GPC5: variants seen among roughly 807,000 people sequenced by gnomAD.
GPC5 encodes glypican 5, also known as glypican-5.
Under a neutral mutation model 53.9 loss-of-function variants are expected in GPC5, and 47 were observed. That is an observed-to-expected ratio of 0.87 (90% CI 0.69 to 1.11). The LOEUF (loss-of-function observed/expected upper bound fraction) is 1.11. Ranked by LOEUF, GPC5 falls within the 50% of genes most tolerant of loss-of-function variation. The pLI is 0.00. For missense variants in GPC5, 748 were observed against 713.1 expected (o/e 1.05, Z -0.56); for synonymous variants, 286 against 263.3 (o/e 1.09, Z -0.84).
intron 7 of GPC5, among the ~76,000 whole-genome samples, chr13:92,257,762 G>A (rs1438123618): frequency 6.6e-6 from 1 of 151,650 alleles, no homozygotes; most frequent in Non-Finnish European, 1.5e-5. Context: ...ATGTTCACCA[G>A]GATGGTCTGG....
At chr13:92,643,981 A>G (rs914597173) in intron 7 of GPC5, among the ~76,000 whole-genome samples, 1 of 152,222 alleles carries the variant, frequency 6.6e-6, no homozygotes, top group Admixed American at 6.5e-5. Context: ...TAATTAGCAA[A>G]AGAAACCTAC....
At chr13:91,505,030 C>A (rs2139310384) in intron 2 of GPC5, among the ~76,000 whole-genome samples, 1 of 152,262 alleles carries the variant, frequency 6.6e-6, no homozygotes, top group South Asian at 2.1e-4. Flanking sequence ...CACATGGTTT[C>A]ATAGGAATAA....
At chr13:91,971,102 T>G (rs1476064204) in intron 6 of GPC5, among the ~76,000 whole-genome samples, 1 of 152,154 alleles carries the variant, frequency 6.6e-6, no homozygotes, top group Non-Finnish European at 1.5e-5. Flanking sequence ...GTCCTGGACT[T>G]TTTTTGGTTG....
chr13:91,676,195 C>G (rs1594415371), intron 2 of GPC5, among the ~76,000 whole-genome samples: 1 of 152,230 alleles, frequency 6.6e-6, no homozygotes, highest in East Asian at 1.9e-4. Flanking sequence ...CTCAGCCTCC[C>G]AAGTAGCTGG....
chr13:91,908,395 T>C (rs1212986057), intron 6 of GPC5, among the ~76,000 whole-genome samples: 2 of 152,216 alleles, frequency 1.3e-5, no homozygotes, highest in African/African-American at 2.4e-5. Flanking sequence ...TATAAGACCA[T>C]AGAAGTTGCC....
At chr13:92,299,816 T>A (rs922428023) in intron 7 of GPC5, among the ~76,000 whole-genome samples, 1 of 152,206 alleles carries the variant, frequency 6.6e-6, no homozygotes, top group Admixed American at 6.5e-5. Flanking sequence ...AGTGGTTTTT[T>A]AAATCTAAAT....
intron 7 of GPC5, among the ~76,000 whole-genome samples, chr13:92,628,388 G>T (rs1430882082): frequency 7.0e-6 from 1 of 143,728 alleles, no homozygotes; most frequent in Non-Finnish European, 1.5e-5. Context: ...CCACTCTCCT[G>T]CCTCAGCCTG....
intron 2 of GPC5, among the ~76,000 whole-genome samples, chr13:91,544,853 G>C (rs1189616635): frequency 6.6e-6 from 1 of 152,176 alleles, no homozygotes; most frequent in East Asian, 1.9e-4. Flanking sequence ...TCACAAGCTT[G>C]AGTCAAGACG....
At chr13:91,813,023 G>A (rs2038337790) in intron 5 of GPC5, among the ~76,000 whole-genome samples, 1 of 152,164 alleles carries the variant, frequency 6.6e-6, no homozygotes, top group African/African-American at 2.4e-5. Context: ...AGCCCAAAGT[G>A]TCACGGAAGT....
chr13:91,517,106 T>C (rs1484437588), intron 2 of GPC5, among the ~76,000 whole-genome samples: 4 of 152,140 alleles, frequency 2.6e-5, no homozygotes, highest in Admixed American at 6.5e-5. Flanking sequence ...ATTTTCCCCA[T>C]GGTCTTGGGG....
intron 7 of GPC5, among the ~76,000 whole-genome samples, chr13:92,755,624 A>C (rs1289535179): frequency 6.9e-6 from 1 of 144,906 alleles, no homozygotes; most frequent in African/African-American, 2.5e-5. Flanking sequence ...TCAAATAGAC[A>C]CAATAAAAAA....
chr13:92,617,835 TTTC>T (rs1356125591), intron 7 of GPC5, among the ~76,000 whole-genome samples: 4 of 152,184 alleles, frequency 2.6e-5, no homozygotes, highest in African/African-American at 9.7e-5. Flanking sequence ...TTTATTCTTT[TTTC>T]TTCTTTTTTT....
intron 1 of GPC5, among the ~76,000 whole-genome samples, chr13:91,413,881 G>C (rs1024546916): frequency 6.6e-6 from 1 of 152,142 alleles, no homozygotes; most frequent in African/African-American, 2.4e-5. Flanking sequence ...TGGAAACACT[G>C]AGATGATCTA....
At chr13:92,385,501 C>T (rs796697904) in intron 7 of GPC5, among the ~76,000 whole-genome samples, 27 of 121,960 alleles carry the variant, frequency 2.2e-4, no homozygotes, top group African/African-American at 8.4e-4. Context: ...TATATACATA[C>T]ATATACATAT....
chr13:91,518,913 C>A (rs1252765465), intron 2 of GPC5, among the ~76,000 whole-genome samples: 2 of 152,150 alleles, frequency 1.3e-5, no homozygotes, highest in Non-Finnish European at 2.9e-5. Context: ...AATTGTAAAT[C>A]TGCAAGCAGT....
intron 7 of GPC5, among the ~76,000 whole-genome samples, chr13:92,472,330 A>G (rs1258888227): frequency 6.6e-6 from 1 of 152,080 alleles, no homozygotes. Flanking sequence ...TTAAGATACA[A>G]TGTTGAGCAA....
intron 5 of GPC5, among the ~76,000 whole-genome samples, chr13:91,907,388 A>T (rs1429574422): frequency 6.9e-6 from 1 of 145,028 alleles, no homozygotes; most frequent in Non-Finnish European, 1.5e-5. Context: ...TATATATATA[A>T]TATATATTAG....
At chr13:92,005,374 G>A (rs998879322) in intron 6 of GPC5, among the ~76,000 whole-genome samples, 1 of 152,054 alleles carries the variant, frequency 6.6e-6, no homozygotes, top group East Asian at 1.9e-4. Flanking sequence ...TCTTCGCCTT[G>A]ATTTCTCCTC....
At chr13:92,096,960 A>T (rs1468577652) in intron 6 of GPC5, among the ~76,000 whole-genome samples, 1 of 152,346 alleles carries the variant, frequency 6.6e-6, no homozygotes, top group East Asian at 1.9e-4. Flanking sequence ...TTGTAGAAAC[A>T]TGGATATGTA....
Sources: allele counts gnomAD v4.1 joint callset (sites outside exome capture counted in the v4.1 genomes callset), GRCh38; gene constraint gnomAD v4.1.1; transcripts MANE v1.5; gene names NCBI Gene and HGNC (gene_info 2026-07-23, HGNC 2026-07-21).